The following LPP variants were observed in gnomAD, a reference collection of about 807,000 sequenced individuals.
LPP encodes LIM domain containing preferred translocation partner in lipoma.
Under a neutral mutation model 60.4 loss-of-function variants are expected in LPP, and 38 were observed. The observed-to-expected ratio is 0.63, with a 90% CI of 0.49 to 0.83. LPP has a LOEUF of 0.83. Among genes scored for constraint, LPP ranks in the 40% least tolerant of loss-of-function variants. The pLI is 0.00. For missense variants in LPP, 902 were observed against 783.6 expected (o/e 1.15, Z -1.80); for synonymous variants, 328 against 290.8 (o/e 1.13, Z -1.30).
At chr3:188,436,606 C>T (rs1792360261) in intron 4 of LPP, among the ~76,000 whole-genome samples, 1 of 151,982 alleles carries the variant, frequency 6.6e-6, no homozygotes, top group South Asian at 2.1e-4. Context: ...TGGGAGAAAA[C>T]AAAAGCAAAA....
chr3:188,469,736 C>T (rs1225606663), intron 4 of LPP, among the ~76,000 whole-genome samples: 2 of 152,062 alleles, frequency 1.3e-5, no homozygotes, highest in African/African-American at 4.8e-5. Flanking sequence ...CTCTTTGGAG[C>T]CCTGGTGTGC....
chr3:188,411,973 GTCTCTCTCTCTC>G (rs56025983), intron 4 of LPP, among the ~76,000 whole-genome samples: 2 of 149,844 alleles, frequency 1.3e-5, no homozygotes, highest in East Asian at 2.0e-4. Flanking sequence ...CTCTTTCTCT[GTCTCTCTCTCTC>G]TCTCTCTCTC....
chr3:188,844,180 C>G (rs750536600), intron 9 of LPP, among the ~76,000 whole-genome samples: 4 of 152,142 alleles, frequency 2.6e-5, no homozygotes, highest in Non-Finnish European at 5.9e-5. Context: ...TTTGGTGGCA[C>G]CTTCTAAACT....
At chr3:188,224,820 A>G (rs1046097228) in intron 1 of LPP, among the ~76,000 whole-genome samples, 1 of 152,170 alleles carries the variant, frequency 6.6e-6, no homozygotes, top group Non-Finnish European at 1.5e-5. Context: ...TAAACCATTC[A>G]TGAGAAATCC....
chr3:188,613,611 A>C (rs144641107), intron 7 of LPP, among the ~76,000 whole-genome samples: 248 of 152,278 alleles, frequency 1.6e-3, no homozygotes, highest in African/African-American at 5.7e-3. Context: ...TCTACTATTA[A>C]AATTTTCTTG....
intron 7 of LPP, among the ~76,000 whole-genome samples, chr3:188,669,900 A>G (rs113446208): frequency 0.061 from 9,284 of 152,294 alleles, 931 homozygotes; most frequent in African/African-American, 0.21. Context: ...TGGCAAATAT[A>G]CACCGTGGAA....
At chr3:188,288,070 C>A (rs1271330487) in intron 2 of LPP, among the ~76,000 whole-genome samples, 1 of 152,138 alleles carries the variant, frequency 6.6e-6, no homozygotes, top group Non-Finnish European at 1.5e-5. Context: ...ACAGCTCCAG[C>A]CTGCATTTAT....
At chr3:188,571,428 C>CA (rs5855209) in intron 6 of LPP, among the ~76,000 whole-genome samples, 11,188 of 146,936 alleles carry the variant, frequency 0.076, 494 homozygotes, top group Middle Eastern at 0.16. Flanking sequence ...TCTAGGATCA[C>CA]AAAAAAAAAA....
At chr3:188,872,585 G>A in intron 10 of LPP, 58 bp from the exon 11 acceptor site, 1 of 1,607,052 alleles carries the variant, frequency 6.2e-7, no homozygotes, top group Non-Finnish European at 8.5e-7. Context: ...TTTTACCTCT[G>A]CGTCCCACCT....
chr3:188,771,901 G>A (rs933410436), intron 9 of LPP, among the ~76,000 whole-genome samples: 1 of 152,112 alleles, frequency 6.6e-6, no homozygotes, highest in African/African-American at 2.4e-5. Context: ...CTAGGAGCTC[G>A]GTTTTCTCAA....
chr3:188,487,936 A>G (rs1807077945), intron 5 of LPP, among the ~76,000 whole-genome samples: 1 of 152,174 alleles, frequency 6.6e-6, no homozygotes, highest in South Asian at 2.1e-4. Context: ...TTGAGAGCAG[A>G]AAGGGACCTT....
chr3:188,434,663 C>T (rs1368986095), intron 4 of LPP, among the ~76,000 whole-genome samples: 1 of 152,176 alleles, frequency 6.6e-6, no homozygotes, highest in African/African-American at 2.4e-5. Flanking sequence ...GGCAATTCCC[C>T]CTGGACTATC....
chr3:188,316,776 C>T (rs1488608296), intron 2 of LPP, among the ~76,000 whole-genome samples: 1 of 152,190 alleles, frequency 6.6e-6, no homozygotes, highest in Non-Finnish European at 1.5e-5. Flanking sequence ...GCAAAGAAGG[C>T]AAATGATTCA....
At chr3:188,200,289 G>A (rs538878026) in intron 1 of LPP, among the ~76,000 whole-genome samples, 1 of 138,628 alleles carries the variant, frequency 7.2e-6, no homozygotes, top group African/African-American at 2.7e-5. Context: ...CACTCTTGTT[G>A]CCCAGGCTGG....
chr3:188,522,548 G>A (rs1388934728), intron 5 of LPP, among the ~76,000 whole-genome samples: 2 of 151,966 alleles, frequency 1.3e-5, no homozygotes, highest in African/African-American at 4.8e-5. Context: ...TTTGGGCTAG[G>A]TCTTGAAAGA....
At chr3:188,155,862 A>T (rs1716194405) in intron 1 of LPP, among the ~76,000 whole-genome samples, 2 of 152,048 alleles carry the variant, frequency 1.3e-5, no homozygotes, top group Admixed American at 1.3e-4. Context: ...AAAAATACAA[A>T]AAATTAGCTG....
intron 7 of LPP, among the ~76,000 whole-genome samples, chr3:188,693,958 G>T (rs1225330393): frequency 6.6e-6 from 1 of 152,134 alleles, no homozygotes; most frequent in African/African-American, 2.4e-5. Flanking sequence ...TTTTCTAGAT[G>T]ACCTTGAATA....
chr3:188,201,812 C>T (rs1484357000), intron 1 of LPP, among the ~76,000 whole-genome samples: 1 of 151,998 alleles, frequency 6.6e-6, no homozygotes, highest in Non-Finnish European at 1.5e-5. Flanking sequence ...GTTAGACGTC[C>T]TTTAATACAT....
chr3:188,391,214 G>A (rs4686482), intron 3 of LPP, among the ~76,000 whole-genome samples: 131,153 of 152,138 alleles, frequency 0.86, 58,533 homozygotes, highest in Non-Finnish European at 0.97. Context: ...TGAGGCTAGC[G>A]TGCGGAGATC....
Sources: gnomAD v4.1 joint callset for allele counts (sites outside exome capture counted in the v4.1 genomes callset) on GRCh38, gnomAD v4.1.1 for gene constraint, MANE v1.5 for transcripts, NCBI Gene and HGNC (gene_info 2026-07-23, HGNC 2026-07-21) for gene names.